The following TXNDC11 variants were observed in gnomAD, a reference collection of about 807,000 sequenced individuals.
TXNDC11 encodes thioredoxin domain containing 11.
In TXNDC11, 68 loss-of-function variants were observed where a neutral mutation model predicts 78.0. That is an observed-to-expected ratio of 0.87 (90% CI 0.72 to 1.07). The LOEUF (loss-of-function observed/expected upper bound fraction) is 1.07, where lower values mean the gene tolerates loss of function less well. Ranked by LOEUF, TXNDC11 falls within the 50% of genes least tolerant of loss-of-function variation. The pLI is 0.00. For synonymous variants in TXNDC11, 571 were observed against 495.2 expected, an observed-to-expected ratio of 1.15 and a Z score of -2.03; for missense variants, 1,389 against 1,221.8, an observed-to-expected ratio of 1.14 and a Z score of -2.04.
chr16:11,679,917 G>A lies in TXNDC11; in HGVS notation c.2235-80C>T. On this transcript the variant is annotated intron_variant, in intron 11 of 11. Transcript: ENST00000283033. The surrounding 1 kb of genome is among the most constrained non-coding windows in gnomAD (Gnocchi z 4.6). ...CAAAAGCAGGCTGTACCTGAGGCCA[G>A]GCCATCTACTTCTCACCAAGAAAAG... 1 of 1,235,564 alleles carries A rather than the reference G, an allele frequency of 8.1e-7. No individual in the cohort carries two copies. The allele number at this position is 1,235,564 out of a possible 1,614,324, so 76.5% of individuals were successfully genotyped here. A position where few individuals can be genotyped will look rare whatever the true frequency, so the allele number is the denominator to read the frequency against.
intron 1 of TXNDC11, among the ~76,000 whole-genome samples, chr16:11,741,606 C>T (rs1383049723): frequency 6.6e-6 from 1 of 152,188 alleles, no homozygotes; most frequent in African/African-American, 2.4e-5. Context: ...CTTTCCCCAC[C>T]GCCATCGTTT....
intron 7 of TXNDC11, among the ~76,000 whole-genome samples, chr16:11,697,754 C>A (rs1055785611): frequency 6.6e-6 from 1 of 152,222 alleles, no homozygotes; most frequent in African/African-American, 2.4e-5. Context: ...CTAGGCCACA[C>A]TAAACTCGGC....
intron 2 of TXNDC11, 76 bp from the exon 3 acceptor site, chr16:11,734,155 T>A (rs1417700139): frequency 1.0e-6 from 1 of 996,150 alleles, no homozygotes. Context: ...AGATGAAATT[T>A]AAAAATAGAA....
Position 11,684,176 on chromosome 16 carries a change from A to T in TXNDC11, c.2223T>A (p.Phe741Leu). The T allele has an allele frequency of 6.2e-7, 1 of 1,613,610 alleles. No individual in the cohort carries two copies. Residue 741 changes from phenylalanine (F) to leucine (L), a missense_variant, in exon 11 of 12, where the codon TTT (phenylalanine) becomes TTA (leucine). Phe to Leu is a conservative substitution (Grantham distance 22). Coordinates refer to ENST00000283033, the MANE Select transcript of TXNDC11 (RefSeq NM_015914.7). ...MVDRLPTVLF[F>L]PCNRKDLSVK... ...AAATTTGGCATTACCTGTTGCAGGG[A>T]AAAAACAAGACAGTAGGAAGACGAT... is the stretch of plus-strand genomic sequence containing the variant.
intron 6 of TXNDC11, 94 bp from the exon 7 acceptor site, chr16:11,698,419 G>A (rs2050918986): frequency 2.7e-6 from 3 of 1,130,010 alleles, no homozygotes; most frequent in Non-Finnish European, 3.9e-6. Context: ...ACCACTAAGG[G>A]TGAGAAAACC....
At chr16:11,687,164 T>C (rs2050588491) in intron 10 of TXNDC11, among the ~76,000 whole-genome samples, 2 of 152,214 alleles carry the variant, frequency 1.3e-5, no homozygotes, top group African/African-American at 4.8e-5. Context: ...TCTCTCTTTA[T>C]TTTTCCAACT....
intron 8 of TXNDC11, 58 bp downstream of exon 8, chr16:11,691,232 A>T: frequency 7.1e-7 from 1 of 1,401,136 alleles, no homozygotes; most frequent in Non-Finnish European, 9.8e-7. Flanking sequence ...AATAAAATTT[A>T]CCCATATGAA....
intron 5 of TXNDC11, among the ~76,000 whole-genome samples, chr16:11,715,201 G>C (rs2051492993): frequency 6.6e-6 from 1 of 152,202 alleles, no homozygotes; most frequent in Non-Finnish European, 1.5e-5. Flanking sequence ...GCAGTGAGCA[G>C]AGAACGGATG....
In TXNDC11 at chr16:11,691,295, G is replaced by A. The variant is rs534755544; in HGVS notation, c.1895C>T (p.Thr632Ile). 1.7e-5 allele frequency: 27 copies of A among 1,612,200 alleles called. No homozygotes were observed. In the South Asian group the frequency reaches 2.2e-4, roughly 13 times the overall value. The change falls in exon 8 of 12, where the codon ACC (threonine) becomes ATC (isoleucine). Residue 632 changes from threonine to isoleucine, a missense_variant. Coordinates refer to ENST00000283033, the MANE Select transcript of TXNDC11 (RefSeq NM_015914.7). ...LDPKQALMKL[T>I]LESFIQNFSV... ...AAATAAACTGCCTGCAGTACCTAGG[G>A]TGAGCTTCATCAGTGCTTGCTTTGG...
chr16:11,696,431 T>C (rs999356414), intron 7 of TXNDC11, among the ~76,000 whole-genome samples: 1 of 152,116 alleles, frequency 6.6e-6, no homozygotes, highest in Non-Finnish European at 1.5e-5. Flanking sequence ...AGGCTTTCAC[T>C]CCCTGTACTG....
intron 5 of TXNDC11, among the ~76,000 whole-genome samples, chr16:11,700,877 G>T (rs189474111): frequency 6.6e-6 from 1 of 152,132 alleles, no homozygotes; most frequent in South Asian, 2.1e-4. Flanking sequence ...GGCACATGCT[G>T]TTCTCTTTGT....
At chr16:11,730,253 C>T (rs1223697941) in intron 4 of TXNDC11, among the ~76,000 whole-genome samples, 2 of 152,114 alleles carry the variant, frequency 1.3e-5, no homozygotes, top group African/African-American at 4.8e-5. Flanking sequence ...TTCAAAAAAA[C>T]CAAACTACAA....
chr16:11,739,165 A>G (rs760691252), intron 1 of TXNDC11, among the ~76,000 whole-genome samples: 38 of 152,210 alleles, frequency 2.5e-4, no homozygotes, highest in Non-Finnish European at 5.3e-4. Context: ...AATGAGCCAG[A>G]TAAAGTACAA....
intron 1 of TXNDC11, among the ~76,000 whole-genome samples, chr16:11,739,449 T>C (rs190103473): frequency 2.1e-3 from 325 of 152,184 alleles, no homozygotes; most frequent in African/African-American, 7.6e-3. Context: ...GAGAATTACT[T>C]GAGCCCAGCA....
chr16:11,682,441 C>T (rs565253647), intron 11 of TXNDC11, among the ~76,000 whole-genome samples: 1 of 152,228 alleles, frequency 6.6e-6, no homozygotes, highest in Admixed American at 6.5e-5. Flanking sequence ...CACATCTTCA[C>T]GTTTCCCACA....
At chr16:11,696,602 G>A (rs778377294) in intron 7 of TXNDC11, among the ~76,000 whole-genome samples, 28 of 152,114 alleles carry the variant, frequency 1.8e-4, no homozygotes, top group Admixed American at 5.2e-4. Context: ...TTCATAATAC[G>A]GTGAGATGCC....
At chr16:11,704,353 C>T (rs1008382586) in intron 5 of TXNDC11, among the ~76,000 whole-genome samples, 1 of 152,038 alleles carries the variant, frequency 6.6e-6, no homozygotes. Context: ...ATTTGAACAC[C>T]AGAGTAATTG....
At chr16:11,733,471 G>T (rs571539355) in intron 3 of TXNDC11, among the ~76,000 whole-genome samples, 1 of 151,700 alleles carries the variant, frequency 6.6e-6, no homozygotes, top group Non-Finnish European at 1.5e-5. Context: ...AGCTTGCAGT[G>T]AGCGGAGATC....
At chr16:11,721,133 A>G (rs2051692593) in intron 5 of TXNDC11, among the ~76,000 whole-genome samples, 1 of 151,954 alleles carries the variant, frequency 6.6e-6, no homozygotes, top group Non-Finnish European at 1.5e-5. Flanking sequence ...ACACTAAACA[A>G]TGTAATTATT....
Sources: gnomAD v4.1 joint callset for allele counts (sites outside exome capture counted in the v4.1 genomes callset) on GRCh38, gnomAD v4.1.1 for gene constraint, Gnocchi (gnomAD v3.1) non-coding constraint, MANE v1.5 for transcripts, NCBI Gene and HGNC (gene_info 2026-07-23, HGNC 2026-07-21) for gene names.